Variants in CPAMD8 observed in about 807,000 individuals in gnomAD.
CPAMD8 encodes C3 and PZP like alpha-2-macroglobulin domain containing 8.
In CPAMD8, 146 loss-of-function variants were observed where a neutral mutation model predicts 224.7. That is an observed-to-expected ratio of 0.65 (90% CI 0.57 to 0.75). The LOEUF is 0.75. Among genes scored for constraint, CPAMD8 ranks in the 30% least tolerant of loss-of-function variants. The pLI, the probability that CPAMD8 is intolerant of heterozygous loss-of-function variation, is 0.00. For synonymous variants in CPAMD8, 966 were observed against 1,044.6 expected, an observed-to-expected ratio of 0.92 and a Z score of 1.45; for missense variants, 2,301 against 2,537.5, an observed-to-expected ratio of 0.91 and a Z score of 2.00.
intron 30 of CPAMD8, among the ~76,000 whole-genome samples, 163 bp from the exon 31 acceptor site, chr19:16,904,715 C>T (rs749832703): frequency 1.3e-5 from 2 of 152,222 alleles, no homozygotes; most frequent in Non-Finnish European, 2.9e-5. Flanking sequence ...CCTTGGGGCT[C>T]CATCTCAGAT....
rs1209922777 is a variant in CPAMD8 at position 16,904,114 on chromosome 19, C to T, written c.4251+112G>A. ...CCAACCCCTGCCCTCTTTGGGGCTCCATAAGGTGAGAAGGGGCCAGACTGC... is the reference window on the plus strand; with the variant it reads ...CCAACCCCTGCCCTCTTTGGGGCTCTATAAGGTGAGAAGGGGCCAGACTGC... On this transcript the variant is annotated intron_variant, in intron 32 of 41. Transcript: ENST00000443236. The T allele has an allele frequency of 4.1e-6, 5 of 1,227,850 alleles. No individual in the cohort carries two copies. In the East Asian group the frequency reaches 1.0e-4, roughly 25 times the overall value. The allele number at this position is 1,227,850 out of a possible 1,614,324, so 76.1% of individuals were successfully genotyped here. A position where few individuals can be genotyped will look rare whatever the true frequency, so the allele number is the denominator to read the frequency against.
chr19:16,977,553 A>G lies in CPAMD8; in HGVS notation c.1586-13T>C, dbSNP rs1216772645. 6.4e-6 allele frequency: 10 copies of G among 1,567,450 alleles called. No individual in the cohort carries two copies. In the South Asian group the frequency reaches 1.1e-4, roughly 17 times the overall value. On this transcript the variant is annotated splice_polypyrimidine_tract_variant and intron_variant, in intron 14 of 41. Coordinates refer to ENST00000443236, the MANE Select transcript of CPAMD8 (RefSeq NM_015692.5). ...GCTGGTGGGGGCTCTGAGGTGAGCAAAAGTAGAGAGAGGTGGTGAATTCTC... is the reference window on the plus strand; with the variant it reads ...GCTGGTGGGGGCTCTGAGGTGAGCAGAAGTAGAGAGAGGTGGTGAATTCTC...
intron 9 of CPAMD8, among the ~76,000 whole-genome samples, chr19:17,001,654 G>A (rs1044892905): frequency 2.0e-4 from 30 of 152,066 alleles, no homozygotes; most frequent in Non-Finnish European, 2.6e-4. Context: ...TAGAGTGCAA[G>A]AGACTCATGT....
chr19:16,994,207 A>G (rs2056052101), intron 11 of CPAMD8, among the ~76,000 whole-genome samples: 2 of 152,220 alleles, frequency 1.3e-5, no homozygotes, highest in African/African-American at 4.8e-5. Context: ...TAAAGCTATA[A>G]CATTCTTAGA....
At chr19:16,977,158 G>C (rs2055307458) in intron 15 of CPAMD8, among the ~76,000 whole-genome samples, 1 of 152,126 alleles carries the variant, frequency 6.6e-6, no homozygotes, top group Non-Finnish European at 1.5e-5. Context: ...GAGAATAATT[G>C]ATGGCTTTCC....
intron 41 of CPAMD8, chr19:16,895,927 A>ACACACACGCG (rs146763898): frequency 8.5e-4 from 493 of 581,324 alleles, no homozygotes; most frequent in Admixed American, 5.0e-3. Context: ...ACACACACAC[A>ACACACACGCG]CGCGCGCGTG....
Position 17,026,723 on chromosome 19 carries a change from T to C in CPAMD8, c.-81A>G. On this transcript the variant is annotated 5_prime_UTR_variant, in exon 1 of 42. Transcript: ENST00000443236. ...CAGGGCCAGGGTCCGAGCGCGGCCG[T>C]CCTCGCGCCGCCGCCGGGGGCCCTT... is the stretch of plus-strand genomic sequence containing the variant. 3.3e-6 allele frequency: 4 copies of C among 1,221,852 alleles called. No individual in the cohort carries two copies. The highest frequency in any genetic ancestry group is 4.1e-6 in the Non-Finnish European group (4 of 982,026). 75.7% of individuals were successfully genotyped at this position (1,221,852 alleles called of 1,614,324 possible). A position where few individuals can be genotyped will look rare whatever the true frequency, so the allele number is the denominator to read the frequency against.
intron 1 of CPAMD8, among the ~76,000 whole-genome samples, chr19:17,025,001 T>C (rs528813752): frequency 7.9e-5 from 12 of 152,328 alleles, no homozygotes; most frequent in African/African-American, 2.4e-4. Context: ...GGTCGGTCAT[T>C]TGGGGACATC....
At position 16,897,734 on chromosome 19, in the gene CPAMD8, T is replaced by G; in HGVS notation, c.5022A>C (p.Gly1674=). ...HSPLARELCA[G]PACNEVERAP... is the part of the protein sequence containing the mutation. ...CGCGCTCCACTTCGTTGCACGCGGG[T>G]CCGGCGCACAGTTCCCGGGCGAGTG... Residue 1674 remains glycine, a synonymous_variant, in exon 39 of 42, where the codon GGA becomes GGC. Coordinates refer to ENST00000443236, the MANE Select transcript of CPAMD8 (RefSeq NM_015692.5). 1.3e-6 allele frequency: 2 copies of G among 1,570,712 alleles called. No homozygotes were observed. The highest frequency in any genetic ancestry group is 1.7e-6 in the Non-Finnish European group (2 of 1,160,936).
In CPAMD8 at chr19:16,921,972, GCT is replaced by G. The variant is rs1175206874; in HGVS notation, c.3560_3561del (p.Gln1187ProfsTer107). 1.3e-6 allele frequency: 2 copies of G among 1,547,838 alleles called. No homozygotes were observed. Among genetic ancestry groups the G allele is most frequent in the Non-Finnish European group, 8.7e-7 (1 of 1,146,572 alleles). ...TDYLVQGYQR[Q>X]LTYKRQDGSY... ...GAGCCATCCTGGCGCTTGTAGGTCA[GCT>G]GGCGCTGGTAGCCTGTGGGGCAAGC... On this transcript the variant is annotated frameshift_variant, in exon 27 of 42. Transcript: ENST00000443236. LOFTEE classifies it high-confidence loss of function.
Position 16,952,100 on chromosome 19 carries a change from T to A in CPAMD8, c.2377A>T (p.Ile793Phe). The change falls in exon 20 of 42, where the codon ATC becomes TTC. Residue 793 changes from isoleucine (I) to phenylalanine (F), a missense_variant. Transcript: ENST00000443236. ...VALSTSQGLG[I>F]AEPSLLKTFK... ...GTCTTCAGCAGGGAGGGCTCGGCGA[T>A]GCCTAAGCCCTGAGAGGTGGACAGG... 6.4e-7 allele frequency: 1 copy of A among 1,556,486 alleles called. No individual in the cohort carries two copies.
intron 12 of CPAMD8, among the ~76,000 whole-genome samples, chr19:16,991,937 C>T (rs912204807): frequency 2.6e-5 from 4 of 151,944 alleles, no homozygotes; most frequent in African/African-American, 4.8e-5. Context: ...CACAAGAAAG[C>T]GTGAACCCAT....
chr19:17,002,474 C>T, intron 8 of CPAMD8, 124 bp from the exon 9 acceptor site: 1 of 628,722 alleles, frequency 1.6e-6, no homozygotes. Flanking sequence ...TGACACTGTA[C>T]CCATCCACAC....
chr19:16,988,948 T>C (rs1470803412), intron 13 of CPAMD8, among the ~76,000 whole-genome samples: 2 of 152,252 alleles, frequency 1.3e-5, no homozygotes, highest in African/African-American at 4.8e-5. Context: ...GTGAACCCTA[T>C]TGTGAACTGT....
At chr19:16,945,899 G>A (rs377507953) in intron 21 of CPAMD8, among the ~76,000 whole-genome samples, 2 of 152,306 alleles carry the variant, frequency 1.3e-5, no homozygotes, top group South Asian at 2.1e-4. Context: ...GCATGCACTT[G>A]TACATGTGTT....
intron 23 of CPAMD8, among the ~76,000 whole-genome samples, chr19:16,933,560 C>A (rs541186257): frequency 6.7e-6 from 1 of 148,950 alleles, no homozygotes; most frequent in Non-Finnish European, 1.5e-5. Flanking sequence ...AAAAGACATA[C>A]TCATAGCAAA....
Position 16,925,196 on chromosome 19 carries a change from C to G in CPAMD8, c.3547G>C (p.Gly1183Arg), listed in dbSNP as rs373740138. Residue 1183 changes from glycine to arginine, a missense_variant and splice_region_variant, in exon 26 of 42, where the codon GGC (glycine) becomes CGC (arginine). This residue lies in a region of CPAMD8 where 1,709 missense variants were observed against 1,753.2 expected (regional missense o/e 0.97). Coordinates refer to ENST00000443236, the MANE Select transcript of CPAMD8 (RefSeq NM_015692.5). ...ERETTDYLVQ[G>R]YQRQLTYKRQ... Reference sequence around the variant, plus strand: ...AACCCAGGCACTTCTTCCCCAATACCTTGTACTAGGTAGTCGGTGGTCTCT... The same window carrying G: ...AACCCAGGCACTTCTTCCCCAATACGTTGTACTAGGTAGTCGGTGGTCTCT... 21 of 1,613,998 alleles carry G rather than the reference C, an allele frequency of 1.3e-5. No homozygotes were observed. The African/African-American group carries it at 2.8e-4, about 22-fold the overall frequency.
chr19:16,967,926 T>TGTGTATATATGTGCATATATACACACAC (rs2054912250), intron 18 of CPAMD8, among the ~76,000 whole-genome samples: 3 of 117,484 alleles, frequency 2.6e-5, no homozygotes, highest in African/African-American at 1.4e-4. Context: ...TACACACACA[T>TGTGTATATATGTGCATATATACACACAC]GTGTGTATAT....
At position 16,994,949 on chromosome 19, in the gene CPAMD8, G is replaced by A. The variant is rs902561137; in HGVS notation, c.1096-1363C>T. 2.6e-5 allele frequency among the ~76,000 whole-genome samples: 4 copies of A among 152,296 alleles called. No homozygotes were observed. In the South Asian group the frequency reaches 8.3e-4, roughly 32 times the overall value. ...CCCAAAGCACTGGGACTACAGGCAT[G>A]AGCCACCATGCCCAGCCTAACCACT... On this transcript the variant is annotated intron_variant, in intron 11 of 41. Transcript: ENST00000443236.
Sources: allele counts gnomAD v4.1 joint callset (sites outside exome capture counted in the v4.1 genomes callset), GRCh38; gene constraint gnomAD v4.1.1; regional missense constraint gnomAD v4.1.1; transcripts MANE v1.5; gene names NCBI Gene and HGNC (gene_info 2026-07-23, HGNC 2026-07-21).